The following MAF variants were observed in gnomAD, a reference collection of about 807,000 sequenced individuals.
MAF encodes the protein MAF bZIP transcription factor.
MAF carries 10 observed loss-of-function variants against 22.0 expected under a neutral mutation model. The observed-to-expected ratio is 0.45, with a 90% confidence interval of 0.28 to 0.77. MAF has a LOEUF of 0.77. Ranked by LOEUF, MAF falls within the 30% of genes least tolerant of loss-of-function variation. The pLI, the probability that MAF is intolerant of heterozygous loss-of-function variation, is 0.12. For synonymous variants in MAF, 337 were observed against 255.8 expected, an observed-to-expected ratio of 1.32 and a Z score of -3.03; for missense variants, 544 against 548.4, an observed-to-expected ratio of 0.99 and a Z score of 0.08.
the MAF span, among the ~76,000 whole-genome samples, chr16:79,545,609 C>T: frequency 1.4e-5 from 2 of 142,948 alleles, no homozygotes; most frequent in African/African-American, 5.5e-5. Flanking sequence ...GCAACCCCCA[C>T]CCCCCCACAG....
exon 2 of MAF, chr16:79,585,858 C>T: frequency 1.6e-6 from 1 of 621,286 alleles, no homozygotes; most frequent in Non-Finnish European, 2.8e-6. Flanking sequence ...CAAGCACATG[C>T]AAATCAAAAA....
chr16:79,516,987 T>A, the MAF span, among the ~76,000 whole-genome samples: 1 of 152,254 alleles, frequency 6.6e-6, no homozygotes, highest in Admixed American at 6.5e-5. Flanking sequence ...GTTTCCACAC[T>A]GAATCTTCTA....
At chr16:79,294,763 T>G in the MAF span, among the ~76,000 whole-genome samples, 1 of 152,180 alleles carries the variant, frequency 6.6e-6, no homozygotes, top group South Asian at 2.1e-4. Context: ...TCTGCACTGG[T>G]TGCACAGGGC....
At chr16:79,420,352 T>G in the MAF span, among the ~76,000 whole-genome samples, 1 of 152,304 alleles carries the variant, frequency 6.6e-6, no homozygotes, top group South Asian at 2.1e-4. Flanking sequence ...AAACAACGCG[T>G]GAACACAGTC....
At chr16:79,496,311 A>G in the MAF span, among the ~76,000 whole-genome samples, 4 of 152,338 alleles carry the variant, frequency 2.6e-5, no homozygotes, top group South Asian at 2.1e-4. Context: ...AAGATTGCAG[A>G]TGGTATTGTA....
At chr16:79,324,005 A>C in the MAF span, among the ~76,000 whole-genome samples, 1 of 152,162 alleles carries the variant, frequency 6.6e-6, no homozygotes. Flanking sequence ...CACTGAGAAT[A>C]TAAGCTCCAC....
chr16:79,541,126 C>T, the MAF span, among the ~76,000 whole-genome samples: 46,105 of 152,030 alleles, frequency 0.3, 7,805 homozygotes, highest in East Asian at 0.44. Context: ...ATTACCACTA[C>T]TATACTAATC....
chr16:79,351,193 T>C, the MAF span, among the ~76,000 whole-genome samples: 2 of 152,204 alleles, frequency 1.3e-5, no homozygotes, highest in African/African-American at 2.4e-5. Flanking sequence ...GAAAACTCTC[T>C]TGGCTTGTTT....
the MAF span, among the ~76,000 whole-genome samples, chr16:79,357,577 T>C: frequency 6.6e-6 from 1 of 152,200 alleles, no homozygotes; most frequent in Non-Finnish European, 1.5e-5. Context: ...CCGGGAAAGT[T>C]TGCAGTTACT....
At chr16:79,490,131 G>C in the MAF span, among the ~76,000 whole-genome samples, 1 of 152,168 alleles carries the variant, frequency 6.6e-6, no homozygotes, top group Non-Finnish European at 1.5e-5. Context: ...AGCAGATAGA[G>C]TGAAAAGATA....
chr16:79,538,430 G>A, the MAF span, among the ~76,000 whole-genome samples: 5 of 152,150 alleles, frequency 3.3e-5, no homozygotes, highest in African/African-American at 1.2e-4. Flanking sequence ...ATATTTAAAT[G>A]TCCGATATAA....
the MAF span, among the ~76,000 whole-genome samples, chr16:79,543,712 A>G: frequency 2.4e-5 from 3 of 125,608 alleles, no homozygotes; most frequent in African/African-American, 3.1e-5. Context: ...TCTGAGACGG[A>G]GTCTCGCTCT....
chr16:79,478,227 G>C, the MAF span, among the ~76,000 whole-genome samples: 1 of 152,174 alleles, frequency 6.6e-6, no homozygotes. Flanking sequence ...CTCAATCACA[G>C]TTAGCCTTGA....
chr16:79,310,024 C>G, the MAF span, among the ~76,000 whole-genome samples: 9 of 152,268 alleles, frequency 5.9e-5, no homozygotes, highest in South Asian at 4.1e-4. Context: ...AAGCAGCGGT[C>G]AGTTAGCAGA....
chr16:79,445,627 G>C, the MAF span, among the ~76,000 whole-genome samples: 1 of 152,208 alleles, frequency 6.6e-6, no homozygotes, highest in African/African-American at 2.4e-5. Context: ...GGATTTCAAA[G>C]CTGAATATCT....
chr16:79,331,570 C>T, the MAF span, among the ~76,000 whole-genome samples: 1 of 152,144 alleles, frequency 6.6e-6, no homozygotes, highest in Admixed American at 6.5e-5. Context: ...ACGAGCCACC[C>T]GCATCTCTGG....
the MAF span, among the ~76,000 whole-genome samples, chr16:79,497,835 G>C: frequency 6.6e-6 from 1 of 152,214 alleles, no homozygotes; most frequent in African/African-American, 2.4e-5. Flanking sequence ...GACTGTGGTG[G>C]ATACAGCAGC....
the MAF span, among the ~76,000 whole-genome samples, chr16:79,218,923 C>T: frequency 9.9e-5 from 15 of 152,256 alleles, 1 homozygote; most frequent in East Asian, 2.1e-3. Context: ...AACTCACACC[C>T]CAAGCCTCTG....
At chr16:79,325,010 T>C in the MAF span, among the ~76,000 whole-genome samples, 3 of 152,160 alleles carry the variant, frequency 2.0e-5, no homozygotes, top group African/African-American at 7.2e-5. Context: ...TCACCTGGCA[T>C]TCTCCCCTGT....
Sources: allele counts gnomAD v4.1 joint callset (sites outside exome capture counted in the v4.1 genomes callset), GRCh38; gene constraint gnomAD v4.1.1; transcripts MANE v1.5; gene names NCBI Gene and HGNC (gene_info 2026-07-23, HGNC 2026-07-21).